ADORA2B: variants seen among roughly 807,000 people sequenced by gnomAD.
The protein encoded by ADORA2B is adenosine A2b receptor, also known as adenosine receptor A2b.
ADORA2B carries 18 observed loss-of-function variants against 20.8 expected under a neutral mutation model. The observed-to-expected ratio is 0.87, with a 90% CI of 0.60 to 1.29. ADORA2B has a LOEUF of 1.29. ADORA2B is among the 50% of genes most tolerant of loss of function. ADORA2B has a pLI of 0.00. For missense variants in ADORA2B, 441 were observed against 422.7 expected (o/e 1.04, Z -0.38); for synonymous variants, 179 against 178.3 (o/e 1.00, Z -0.03).
chr17:15,919,102 A>C, the ADORA2B span, among the ~76,000 whole-genome samples: 1 of 152,174 alleles, frequency 6.6e-6, no homozygotes, highest in Admixed American at 6.5e-5. Flanking sequence ...CCCTAAGCAG[A>C]TACACTCCAG....
In ADORA2B at chr17:15,964,932, T is replaced by C. The variant is rs183504443; in HGVS notation, c.336-9747T>C. ...AAAAATTAGCCCGTGTGGCAGCGGG[T>C]GCCTGTAGTCCCAGCTACTCAGGAG... On this transcript the variant is annotated intron_variant, in intron 1 of 1. Transcript: ENST00000304222. Among the ~76,000 whole-genome samples, 335 of 151,304 alleles carry C rather than the reference T, an allele frequency of 2.2e-3. 2 individuals are homozygous for C. Among genetic ancestry groups the C allele is most frequent in the East Asian group, 0.016 (80 of 5,046 alleles).
At chr17:15,959,210 G>A (rs973701088) in intron 1 of ADORA2B, among the ~76,000 whole-genome samples, 8 of 152,112 alleles carry the variant, frequency 5.3e-5, no homozygotes, top group Non-Finnish European at 1.2e-4. Flanking sequence ...CCTAAATTTG[G>A]CATTTTCAGA....
chr17:15,945,032 C>T, upstream of ADORA2B: 1 of 324,836 alleles, frequency 3.1e-6, no homozygotes, highest in Non-Finnish European at 5.5e-6. Flanking sequence ...CCGCCCAGCC[C>T]GAGACGGGCG....
At chr17:15,867,572 G>A in the ADORA2B span, among the ~76,000 whole-genome samples, 2 of 150,268 alleles carry the variant, frequency 1.3e-5, no homozygotes, top group African/African-American at 4.9e-5. Flanking sequence ...CGGGAGGGAG[G>A]CGGGGGTCAG....
At chr17:15,852,940 G>A in the ADORA2B span, among the ~76,000 whole-genome samples, 2 of 151,642 alleles carry the variant, frequency 1.3e-5, no homozygotes, top group Non-Finnish European at 2.9e-5. Context: ...GACAGATAGG[G>A]CAGAAGCAGT....
chr17:15,899,357 A>G, the ADORA2B span, among the ~76,000 whole-genome samples: 1 of 152,164 alleles, frequency 6.6e-6, no homozygotes, highest in Non-Finnish European at 1.5e-5. Flanking sequence ...TGCAGGGAAA[A>G]TTTTCTTATA....
the ADORA2B span, among the ~76,000 whole-genome samples, chr17:15,874,877 A>G: frequency 6.6e-6 from 1 of 152,152 alleles, no homozygotes; most frequent in Non-Finnish European, 1.5e-5. Flanking sequence ...CTGTAAGGCT[A>G]TTTAGTTTAC....
chr17:15,862,918 T>G, the ADORA2B span, among the ~76,000 whole-genome samples: 1 of 151,984 alleles, frequency 6.6e-6, no homozygotes, highest in Admixed American at 6.6e-5. Flanking sequence ...TAATACATAT[T>G]ATCATTACTA....
chr17:15,946,720 T>C (rs1969811388), intron 1 of ADORA2B, among the ~76,000 whole-genome samples: 1 of 151,792 alleles, frequency 6.6e-6, no homozygotes, highest in Admixed American at 6.6e-5. Flanking sequence ...CCCAGGGAGG[T>C]TGGAGTCTTG....
the ADORA2B span, among the ~76,000 whole-genome samples, chr17:15,853,978 G>A: frequency 5.3e-5 from 8 of 152,012 alleles, no homozygotes; most frequent in Non-Finnish European, 1.0e-4. Flanking sequence ...TTTTTGAGAC[G>A]GAGTTTCACT....
the ADORA2B span, among the ~76,000 whole-genome samples, chr17:15,932,782 C>CTCAG: frequency 1.3e-5 from 2 of 152,116 alleles, no homozygotes; most frequent in Non-Finnish European, 2.9e-5. Flanking sequence ...TTTCTGGATT[C>CTCAG]TCAGTTCTAA....
chr17:15,870,327 A>G, the ADORA2B span, among the ~76,000 whole-genome samples: 2 of 150,398 alleles, frequency 1.3e-5, no homozygotes, highest in African/African-American at 2.5e-5. Context: ...GATACATGCA[A>G]GTATCTCCTG....
chr17:15,867,046 C>T, the ADORA2B span, among the ~76,000 whole-genome samples: 218 of 152,342 alleles, frequency 1.4e-3, no homozygotes, highest in African/African-American at 5.0e-3. Context: ...CTCGGCCTCC[C>T]GAGGTGCCGG....
chr17:15,959,250 C>T (rs1970006787), intron 1 of ADORA2B, among the ~76,000 whole-genome samples: 1 of 152,134 alleles, frequency 6.6e-6, no homozygotes, highest in Admixed American at 6.5e-5. Context: ...CTTTTAATTG[C>T]AGGGATTTTT....
At chr17:15,915,572 A>G in the ADORA2B span, among the ~76,000 whole-genome samples, 3 of 151,934 alleles carry the variant, frequency 2.0e-5, no homozygotes, top group Non-Finnish European at 4.4e-5. Flanking sequence ...CTCCAGAGAA[A>G]CAGCCCCAAT....
intron 1 of ADORA2B, among the ~76,000 whole-genome samples, chr17:15,959,494 ATTTTT>A (rs56097835): frequency 1.3e-5 from 1 of 75,948 alleles, no homozygotes. Context: ...TCACATTCTG[ATTTTT>A]TTTTTTTTTT....
the ADORA2B span, among the ~76,000 whole-genome samples, chr17:15,907,091 T>C: frequency 1.4e-3 from 212 of 152,334 alleles, no homozygotes; most frequent in African/African-American, 5.0e-3. Flanking sequence ...ACTTGCTTTC[T>C]GTAAGTCATG....
the ADORA2B span, among the ~76,000 whole-genome samples, chr17:15,893,727 A>C: frequency 6.6e-6 from 1 of 152,260 alleles, no homozygotes; most frequent in Non-Finnish European, 1.5e-5. Flanking sequence ...AACACATTAA[A>C]GACTTCAAGA....
the ADORA2B span, among the ~76,000 whole-genome samples, chr17:15,893,107 A>T: frequency 6.6e-6 from 1 of 152,156 alleles, no homozygotes; most frequent in Admixed American, 6.5e-5. Flanking sequence ...CAATATCTTC[A>T]TTTTTCTCAA....
Sources: gnomAD v4.1 joint callset for allele counts (sites outside exome capture counted in the v4.1 genomes callset) on GRCh38, gnomAD v4.1.1 for gene constraint, MANE v1.5 for transcripts, NCBI Gene and HGNC (gene_info 2026-07-23, HGNC 2026-07-21) for gene names.